The following TNNT2 variants were observed in gnomAD, a reference collection of about 807,000 sequenced individuals.
The protein encoded by TNNT2 is troponin T, cardiac muscle.
TNNT2 carries 34 observed loss-of-function variants against 62.4 expected under a neutral mutation model. The ratio of observed to expected loss-of-function variants is 0.54; its 90% CI spans 0.41 to 0.72. The LOEUF is 0.72. Ranked by LOEUF, TNNT2 falls within the 30% of genes least tolerant of loss-of-function variation. The pLI, the probability that TNNT2 is intolerant of heterozygous loss-of-function variation, is 0.00. For synonymous variants in TNNT2, 123 were observed against 127.2 expected (o/e 0.97, Z 0.22); for missense variants, 275 against 381.9 (o/e 0.72, Z 2.33).
intron 1 of TNNT2, chr1:201,374,707 G>A (rs747892978): frequency 1.3e-5 from 2 of 152,222 alleles, no homozygotes; most frequent in Non-Finnish European, 2.9e-5. Context: ...AGGAACAGAG[G>A]TAGTGTGAAG....
In TNNT2 at chr1:201,376,654, T is replaced by TCTG. The variant is rs1401087131; in HGVS notation, c.-15+968_-15+969insCAG. The stretch of plus-strand genomic sequence containing the variant: ...AAGGAATTTGGGAGGGCAGGTAGCT[T>TCTG]CCCGGCTACAGCAGGCCAGGAATGT... On this transcript the variant is annotated intron_variant, in intron 1 of 16. Transcript: ENST00000656932. Among the ~76,000 whole-genome samples, 22 of 152,240 alleles carry TCTG rather than the reference T, an allele frequency of 1.4e-4. No homozygotes were observed. In the East Asian group the frequency reaches 4.1e-3, roughly 28 times the overall value.
intron 16 of TNNT2, 137 bp from the exon 17 acceptor site, chr1:201,359,392 C>A: frequency 1.7e-6 from 2 of 1,169,108 alleles, no homozygotes; most frequent in Non-Finnish European, 2.5e-6. Context: ...AGGACAGCAG[C>A]CTGAGGCTGG....
chr1:201,367,318 T>G (rs1659846568), intron 7 of TNNT2: 1 of 382,666 alleles, frequency 2.6e-6, no homozygotes, highest in Non-Finnish European at 4.9e-6. Flanking sequence ...CCCAGCTGGT[T>G]GTCCCCTCCC....
chr1:201,361,223 T>G (rs1658558349), intron 15 of TNNT2, 56 bp downstream of exon 15: 1 of 1,556,068 alleles, frequency 6.4e-7, no homozygotes, highest in East Asian at 2.2e-5. Flanking sequence ...CCGGACCCAG[T>G]GAACCAGGAG....
chr1:201,365,119 G>A, intron 10 of TNNT2, 72 bp downstream of exon 10: 1 of 1,301,720 alleles, frequency 7.7e-7, no homozygotes, highest in Non-Finnish European at 1.1e-6. Flanking sequence ...TGGAGGAGGT[G>A]GGGCCTCACA....
At chr1:201,360,954 C>T in intron 15 of TNNT2, 1 of 411,000 alleles carries the variant, frequency 2.4e-6, no homozygotes, top group East Asian at 5.6e-5. Flanking sequence ...ACTGGGGGTC[C>T]TGGCTTGGTG....
At chr1:201,365,093 G>T in intron 10 of TNNT2, 98 bp downstream of exon 10, 1 of 1,049,764 alleles carries the variant, frequency 9.5e-7, no homozygotes, top group Non-Finnish European at 1.5e-6. Context: ...GGTTTGAGGC[G>T]CCGAGGAAGG....
intron 16 of TNNT2, 86 bp downstream of exon 16, chr1:201,359,537 G>T: frequency 7.4e-7 from 1 of 1,345,592 alleles, no homozygotes; most frequent in African/African-American, 1.5e-5. Context: ...GGAGCCTGGG[G>T]CCCTCCAAGG....
At chr1:201,361,123 G>T (rs770368174) in intron 15 of TNNT2, 156 bp downstream of exon 15, 4 of 786,724 alleles carry the variant, frequency 5.1e-6, no homozygotes, top group Non-Finnish European at 9.1e-6. Context: ...ATGGAACACT[G>T]CTGAAGGCCA....
chr1:201,363,222 C>T, intron 12 of TNNT2, 74 bp downstream of exon 12: 2 of 1,611,878 alleles, frequency 1.2e-6, no homozygotes, highest in South Asian at 1.1e-5. Context: ...CTAAAGTCTA[C>T]CTGCTGCAGT....
chr1:201,367,885 C>G, intron 6 of TNNT2, 79 bp from the exon 7 acceptor site: 1 of 1,543,428 alleles, frequency 6.5e-7, no homozygotes, highest in South Asian at 1.1e-5. Flanking sequence ...AAGAGCCTTC[C>G]CCACAGATAA....
At chr1:201,376,934 C>T (rs148305580) in intron 1 of TNNT2, among the ~76,000 whole-genome samples, 1 of 152,324 alleles carries the variant, frequency 6.6e-6, no homozygotes, top group African/African-American at 2.4e-5. Context: ...CCATCTGCCC[C>T]CCAAGTGCAG....
rs1192320214 is a variant in TNNT2 at position 201,362,122 on chromosome 1, G to A, written c.610-100C>T. The A allele has an allele frequency of 2.2e-6, 3 of 1,360,080 alleles. No homozygotes were observed. The African/African-American group carries it at 4.3e-5, about 19-fold the overall frequency. 84.3% of individuals were successfully genotyped at this position (1,360,080 alleles called of 1,614,324 possible). ...GGGGGTGGAGCAAGGCCTGCAGGAG[G>A]GCCAGGTTCTTATGCTCTTCTTCCT... is the stretch of plus-strand genomic sequence containing the variant. On this transcript the variant is annotated intron_variant, in intron 13 of 16. Transcript: ENST00000656932.
chr1:201,365,677 G>A lies in TNNT2; in HGVS notation c.234-7C>T. ...CAAGTTGGGCATGAACGACCTGTTGGAGAGAGGAATAGTCAGCATCAGCCC... is the reference window on the plus strand; with the variant it reads ...CAAGTTGGGCATGAACGACCTGTTGAAGAGAGGAATAGTCAGCATCAGCCC... On this transcript the variant is annotated splice_region_variant and splice_polypyrimidine_tract_variant and intron_variant, in intron 8 of 16. Coordinates refer to ENST00000656932, the MANE Select transcript of TNNT2 (RefSeq NM_001276345.2). 1 of 1,613,676 alleles carries A rather than the reference G, an allele frequency of 6.2e-7. No homozygotes were observed. The highest frequency in any genetic ancestry group is 8.5e-7 in the Non-Finnish European group (1 of 1,179,878).
rs1661368955 is a variant in TNNT2 at position 201,376,145 on chromosome 1, G to A, written c.-15+1478C>T. Among the ~76,000 whole-genome samples, 3 of 152,192 alleles carry A rather than the reference G, an allele frequency of 2.0e-5. No homozygotes were observed. In the South Asian group the frequency reaches 6.2e-4, roughly 32 times the overall value. On this transcript the variant is annotated intron_variant, in intron 1 of 16. Coordinates refer to ENST00000656932, the MANE Select transcript of TNNT2 (RefSeq NM_001276345.2). ...CAAGTCCCACCCACTTCCACAGGCA[G>A]CTTTCTAGCCTAATGCATTCATAGC...
At chr1:201,370,980 G>A (rs902735691) in intron 4 of TNNT2, among the ~76,000 whole-genome samples, 1 of 152,246 alleles carries the variant, frequency 6.6e-6, no homozygotes, top group Non-Finnish European at 1.5e-5. Flanking sequence ...AAAGACGCCT[G>A]TGGCCTCTTT....
At chr1:201,365,807 A>G (rs1452134048) in intron 8 of TNNT2, 137 bp from the exon 9 acceptor site, 1 of 1,536,594 alleles carries the variant, frequency 6.5e-7, no homozygotes, top group South Asian at 1.2e-5. Flanking sequence ...TGATAGTAAC[A>G]CTGACGTCAA....
chr1:201,369,841 C>G lies in TNNT2; in HGVS notation c.72G>C (p.Glu24Asp). The G allele has an allele frequency of 6.2e-7, 1 of 1,614,198 alleles. No homozygotes were observed. The highest frequency in any genetic ancestry group is 8.5e-7 in the Non-Finnish European group (1 of 1,180,042). Residue 24 changes from glutamate (E) to aspartate (D), a missense_variant, in exon 5 of 17, where the codon GAG (glutamate) becomes GAC (aspartate). Coordinates refer to ENST00000656932, the MANE Select transcript of TNNT2 (RefSeq NM_001276345.2). ...EEQEEAAVEE[E>D]EDWREDEDEQ... Reference sequence around the variant, plus strand: ...CGTCTTCGTCCTCTCTCCAGTCCTCCTCTTCTGAGGTTCAGGGAGTGGCCG... The same window carrying G: ...CGTCTTCGTCCTCTCTCCAGTCCTCGTCTTCTGAGGTTCAGGGAGTGGCCG...
rs1558248842 is a variant in TNNT2, at chr1:201,372,237, G to A, written c.42-82C>T. On this transcript the variant is annotated intron_variant, in intron 2 of 16. Coordinates refer to ENST00000656932, the MANE Select transcript of TNNT2 (RefSeq NM_001276345.2). ...ACGCCTGCACACACATGCACACACT[G>A]GCCTTTCCCCAAAGATAATCCCCCT... 4 of 1,592,150 alleles carry A rather than the reference G, an allele frequency of 2.5e-6. No homozygotes were observed. The Admixed American group carries it at 6.7e-5, about 27-fold the overall frequency.
Sources: gnomAD v4.1 joint callset for allele counts (sites outside exome capture counted in the v4.1 genomes callset) on GRCh38, gnomAD v4.1.1 for gene constraint, MANE v1.5 for transcripts, NCBI Gene and HGNC (gene_info 2026-07-23, HGNC 2026-07-21) for gene names.